Variants in MED14 observed in about 807,000 individuals in gnomAD.
MED14 encodes the protein mediator of RNA polymerase II transcription subunit 14.
A neutral mutation model predicts 109.0 loss-of-function variants in MED14; 8 were observed. That is an observed-to-expected ratio of 0.07 (90% confidence interval 0.04 to 0.13). The LOEUF (loss-of-function observed/expected upper bound fraction) is 0.13. MED14 is among the 10% of genes least tolerant of loss of function. The pLI is 1.00. For missense variants in MED14, 711 were observed against 1,142.4 expected (o/e 0.62, Z 5.44); for synonymous variants, 399 against 408.7 (o/e 0.98, Z 0.29).
Position 40,735,294 on chromosome X carries a change from G to A in MED14, c.119C>T (p.Ala40Val), listed in dbSNP as rs1162394590. 6 of 1,132,742 alleles carry A rather than the reference G, an allele frequency of 5.3e-6. No homozygotes were observed. The highest frequency in any genetic ancestry group is 7.0e-6 in the Non-Finnish European group (6 of 856,930). The allele number at this position is 1,132,742 out of a possible 1,213,427, so 93.4% of individuals were successfully genotyped here. The change falls in exon 1 of 31, where the codon GCC becomes GTC. Residue 40 changes from alanine (A) to valine (V), a missense_variant. By Grantham distance (64) the Ala-to-Val change is moderately conservative. Coordinates refer to ENST00000324817, the MANE Select transcript of MED14 (RefSeq NM_004229.4). ...GCCCGGGCTAGCCGCAGCTGCAGCG[G>A]CCGCCGCCACGGCGGCTCCCGGGGG... ...PPPPGAAVAA[A>V]AAAAASPGYR...
At chrX:40,680,598 T>A (rs758932282) in intron 20 of MED14, among the ~76,000 whole-genome samples, 160 bp downstream of exon 20, 91 of 111,569 alleles carry the variant, frequency 8.2e-4, no homozygotes, top group African/African-American at 2.9e-3. Context: ...TTTGTATTTT[T>A]GTAGAGACAG....
intron 23 of MED14, among the ~76,000 whole-genome samples, chrX:40,670,027 C>T (rs944552784): frequency 8.9e-6 from 1 of 111,840 alleles, no homozygotes; most frequent in Admixed American, 9.5e-5. Flanking sequence ...CAACCCACCC[C>T]CCAAATAAAA....
At chrX:40,708,444 A>G (rs1236281461) in intron 10 of MED14, among the ~76,000 whole-genome samples, 1 of 112,090 alleles carries the variant, frequency 8.9e-6, no homozygotes, top group East Asian at 2.8e-4. Context: ...ACTAGTACAT[A>G]CCTAAGAAGC....
At chrX:40,729,256 C>G in intron 2 of MED14, 63 bp downstream of exon 2, 1 of 1,102,038 alleles carries the variant, frequency 9.1e-7, no homozygotes. Flanking sequence ...CCCATACCCA[C>G]ACACCAACAC....
At chrX:40,721,576 C>T (rs1348930380) in intron 3 of MED14, among the ~76,000 whole-genome samples, 1 of 112,850 alleles carries the variant, frequency 8.9e-6, no homozygotes, top group Admixed American at 9.3e-5. Context: ...ACTTGCCATC[C>T]CAAAAAACAC....
At chrX:40,676,957 T>C (rs1016419603) in intron 21 of MED14, among the ~76,000 whole-genome samples, 1 of 111,537 alleles carries the variant, frequency 9.0e-6, no homozygotes, top group Non-Finnish European at 1.9e-5. Context: ...AACAGACTAA[T>C]ATGGGTACCT....
intron 12 of MED14, 150 bp from the exon 13 acceptor site, chrX:40,697,333 T>A: frequency 2.4e-6 from 1 of 413,825 alleles, no homozygotes; most frequent in Non-Finnish European, 4.1e-6. Flanking sequence ...TAATGACAAA[T>A]CATTTTTTCA....
rs750367315 is a variant in MED14, at chrX:40,714,624, G to A, written c.435C>T (p.Val145=). 9.1e-6 allele frequency: 11 copies of A among 1,209,646 alleles called. No homozygotes were observed. The highest frequency in any genetic ancestry group is 6.7e-6 in the Non-Finnish European group (6 of 894,912). Residue 145 remains valine, a synonymous_variant, in exon 4 of 31, where the codon GTC becomes GTT. Transcript: ENST00000324817. ...RLASLARDAL[V]HARLPSFAIP... is the part of the protein sequence containing the mutation. Reference sequence around the variant, plus strand: ...TGGCAAAACTAGGCAGGCGTGCATGGACCAGAGCATCTCTAGCTAACGAGG... The same window carrying A: ...TGGCAAAACTAGGCAGGCGTGCATGAACCAGAGCATCTCTAGCTAACGAGG...
At chrX:40,710,219 C>T (rs1931288677) in intron 8 of MED14, 90 bp from the exon 9 acceptor site, 1 of 586,740 alleles carries the variant, frequency 1.7e-6, no homozygotes, top group Middle Eastern at 5.6e-4. Flanking sequence ...GCAGTTTAGC[C>T]ACAGCCTGGA....
chrX:40,704,449 G>C (rs989457792), intron 10 of MED14, among the ~76,000 whole-genome samples: 4 of 112,072 alleles, frequency 3.6e-5, no homozygotes, highest in Non-Finnish European at 7.5e-5. Context: ...AGGCGCAGAG[G>C]GGAGTGGCGA....
At chrX:40,713,106 T>C in intron 5 of MED14, 64 bp from the exon 6 acceptor site, 1 of 1,044,301 alleles carries the variant, frequency 9.6e-7, no homozygotes, top group South Asian at 2.8e-5. Flanking sequence ...ATCTTCCTCC[T>C]GACCTAGAAT....
chrX:40,697,396 A>G (rs1930759740), intron 12 of MED14, among the ~76,000 whole-genome samples: 1 of 112,517 alleles, frequency 8.9e-6, no homozygotes, highest in African/African-American at 3.2e-5. Flanking sequence ...TTAAACTGCA[A>G]TGTGAATGAT....
chrX:40,690,731 A>C (rs1042478632), intron 15 of MED14, among the ~76,000 whole-genome samples: 1 of 111,701 alleles, frequency 9.0e-6, no homozygotes, highest in Non-Finnish European at 1.9e-5. Context: ...CTGTTTTTGT[A>C]AATGAAGTTT....
intron 23 of MED14, among the ~76,000 whole-genome samples, chrX:40,669,919 T>C (rs1004506734): frequency 8.9e-6 from 1 of 111,934 alleles, no homozygotes; most frequent in Non-Finnish European, 1.9e-5. Context: ...CCTTATCGAA[T>C]GCTCTTTCAG....
In MED14 at chrX:40,703,445, A is replaced by G; in HGVS notation, c.1410T>C (p.Leu470=). 1 of 1,188,743 alleles carries G rather than the reference A, an allele frequency of 8.4e-7. No homozygotes were observed. Among genetic ancestry groups the G allele is most frequent in the Non-Finnish European group, 1.1e-6 (1 of 878,788 alleles). Residue 470 remains leucine, a splice_region_variant and synonymous_variant, in exon 11 of 31, where the codon CTT becomes CTC. Coordinates refer to ENST00000324817, the MANE Select transcript of MED14 (RefSeq NM_004229.4). ...SGMFQLMLYG[L]DQATLDDMEK... ...TGATTATATCATTTAGTAACTTACC[A>G]AGTCCATAAAGCATCAATTGAAACA...
chrX:40,700,248 T>C, intron 12 of MED14, among the ~76,000 whole-genome samples: 1 of 106,576 alleles, frequency 9.4e-6, no homozygotes, highest in East Asian at 2.9e-4. Flanking sequence ...CCCAGCTACT[T>C]AGGAGGCTGA....
At chrX:40,687,690 C>G (rs764155361) in intron 16 of MED14, among the ~76,000 whole-genome samples, 1 of 111,460 alleles carries the variant, frequency 9.0e-6, no homozygotes, top group Non-Finnish European at 1.9e-5. Flanking sequence ...TTAGGACCTC[C>G]CACTGCCTCT....
At chrX:40,730,325 G>A (rs1458927115) in intron 1 of MED14, among the ~76,000 whole-genome samples, 1 of 112,200 alleles carries the variant, frequency 8.9e-6, no homozygotes, top group Non-Finnish European at 1.9e-5. Context: ...GGGGCTGGAA[G>A]GGCCAGCAGA....
intron 8 of MED14, among the ~76,000 whole-genome samples, chrX:40,710,526 C>T (rs1214612192): frequency 1.8e-5 from 2 of 111,022 alleles, no homozygotes; most frequent in African/African-American, 6.6e-5. Flanking sequence ...ACAAACAGTC[C>T]AATAGGAATT....
Sources: allele counts gnomAD v4.1 joint callset (sites outside exome capture counted in the v4.1 genomes callset), GRCh38; gene constraint gnomAD v4.1.1; transcripts MANE v1.5; gene names NCBI Gene and HGNC (gene_info 2026-07-23, HGNC 2026-07-21).